ZNF469: variants seen among roughly 807,000 people sequenced by gnomAD.
ZNF469 encodes zinc finger protein 469.
Under a neutral mutation model 1.0 loss-of-function variants are expected in ZNF469, and 1 was observed. That is an observed-to-expected ratio of 1.00 (90% CI 0.35 to 4.73). The LOEUF (loss-of-function observed/expected upper bound fraction) is 4.73. Among genes scored for constraint, ZNF469 ranks in the 30% most tolerant of loss-of-function variants. ZNF469 has a pLI of 0.16. For missense variants in ZNF469, 6,100 were observed against 5,356.3 expected (o/e 1.14, Z -4.33); for synonymous variants, 2,703 against 2,363.4 (o/e 1.14, Z -4.17).
At chr16:88,232,031 G>A in the ZNF469 span, among the ~76,000 whole-genome samples, 1 of 152,152 alleles carries the variant, frequency 6.6e-6, no homozygotes, top group African/African-American at 2.4e-5. Flanking sequence ...TGGACCCTCC[G>A]GGCAGGCTCC....
the ZNF469 span, among the ~76,000 whole-genome samples, chr16:88,172,321 G>C: frequency 2.6e-5 from 4 of 152,206 alleles, no homozygotes; most frequent in Non-Finnish European, 5.9e-5. Context: ...CTCACACAGG[G>C]TGGGGGACGG....
chr16:88,192,619 G>A, the ZNF469 span, among the ~76,000 whole-genome samples: 11 of 152,420 alleles, frequency 7.2e-5, no homozygotes, highest in African/African-American at 2.4e-4. Flanking sequence ...CACACATGAT[G>A]AGGACAGTAT....
At chr16:88,275,933 T>C in the ZNF469 span, among the ~76,000 whole-genome samples, 5 of 151,962 alleles carry the variant, frequency 3.3e-5, no homozygotes, top group African/African-American at 1.2e-4. Context: ...ACCAAGGGGC[T>C]GGAAAACACG....
the ZNF469 span, among the ~76,000 whole-genome samples, chr16:88,270,518 C>T: frequency 6.6e-6 from 1 of 152,204 alleles, no homozygotes; most frequent in Non-Finnish European, 1.5e-5. Flanking sequence ...ATGCAGACTC[C>T]CTGGGCATTT....
the ZNF469 span, among the ~76,000 whole-genome samples, chr16:88,147,623 C>T: frequency 6.6e-6 from 1 of 152,134 alleles, no homozygotes; most frequent in African/African-American, 2.4e-5. Context: ...GAGCAGAGCA[C>T]CTGCTGGGTG....
Position 88,428,989 on chromosome 16 carries a change from C to T in ZNF469, c.1519C>T (p.Pro507Ser), listed in dbSNP as rs1368696632. ...GMEMLSRLPF[P>S]AGGPEWQGGS... ...GGAGATGCTGAGCCGGCTGCCTTTC[C>T]CCGCGGGGGGCCCCGAGTGGCAGGG... is the stretch of plus-strand genomic sequence containing the variant. The change falls in exon 3 of 3, where the codon CCC becomes TCC. Residue 507 changes from proline (P) to serine (S), a missense_variant. By Grantham distance (74) the Pro-to-Ser change is moderately conservative. Coordinates refer to ENST00000565624, the MANE Select transcript of ZNF469 (RefSeq NM_001367624.2). 8 of 1,549,220 alleles carry T rather than the reference C, an allele frequency of 5.2e-6. No individual in the cohort carries two copies. Among genetic ancestry groups the T allele is most frequent in the Non-Finnish European group, 7.0e-6 (8 of 1,146,652 alleles).
the ZNF469 span, among the ~76,000 whole-genome samples, chr16:88,165,548 T>A: frequency 6.6e-6 from 1 of 152,144 alleles, no homozygotes; most frequent in African/African-American, 2.4e-5. Context: ...CTGGTGAGAA[T>A]CTCTGGGGAC....
chr16:88,438,052 G>A lies in ZNF469; in HGVS notation c.10582G>A (p.Glu3528Lys), dbSNP rs758708056. ...CACCAAGGGATGGCCCGAGACCCTA[G>A]AGAGGCCTGTAGACCCCGTGACCCA... ...STTKGWPETL[E>K]RPVDPVTHPI... Residue 3528 changes from glutamate (E) to lysine (K), a missense_variant, in exon 3 of 3, where the codon GAG becomes AAG. By Grantham distance (56) the Glu-to-Lys change is moderately conservative. Transcript: ENST00000565624. 4.5e-6 allele frequency: 7 copies of A among 1,550,334 alleles called. No homozygotes were observed. The highest frequency in any genetic ancestry group is 1.4e-5 in the African/African-American group (1 of 73,162).
chr16:88,332,193 A>G, the ZNF469 span, among the ~76,000 whole-genome samples: 2 of 152,226 alleles, frequency 1.3e-5, no homozygotes, highest in African/African-American at 2.4e-5. Flanking sequence ...ACAAAGTTGC[A>G]TTTTTTGACA....
the ZNF469 span, among the ~76,000 whole-genome samples, chr16:88,320,488 ATTC>A: frequency 3.3e-5 from 5 of 152,138 alleles, no homozygotes; most frequent in African/African-American, 1.2e-4. Flanking sequence ...GGTTCAAGCA[ATTC>A]TTCTGCCTCA....
chr16:88,120,667 C>T, the ZNF469 span, among the ~76,000 whole-genome samples: 7,666 of 152,284 alleles, frequency 0.05, 609 homozygotes, highest in African/African-American at 0.17. Context: ...CCGCGGCTCC[C>T]GGGCGGGCCT....
rs1464513428 is a variant in ZNF469, at chr16:88,436,847, G to T, written c.9377G>T (p.Ser3126Ile). 4 of 1,531,896 alleles carry T rather than the reference G, an allele frequency of 2.6e-6. No individual in the cohort carries two copies. The highest frequency in any genetic ancestry group is 1.2e-5 in the South Asian group (1 of 83,404). 94.9% of individuals were successfully genotyped at this position (1,531,896 alleles called of 1,614,324 possible). The change falls in exon 3 of 3, where the codon AGC (serine) becomes ATC (isoleucine). Residue 3126 changes from serine (S) to isoleucine (I), a missense_variant. Transcript: ENST00000565624. ...AAAGTGTGCTTCCAGCGCTTCCGCA[G>T]CCTGGGCGAGCTGGACCTGCACAAG... ...KCKVCFQRFR[S>I]LGELDLHKLA... is the part of the protein sequence containing the mutation.
chr16:88,173,038 C>T, the ZNF469 span, among the ~76,000 whole-genome samples: 60 of 152,182 alleles, frequency 3.9e-4, no homozygotes, highest in Admixed American at 1.7e-3. Flanking sequence ...GAGGCAGGGA[C>T]GGAAAAATGT....
At chr16:88,260,629 G>A in the ZNF469 span, among the ~76,000 whole-genome samples, 3 of 152,162 alleles carry the variant, frequency 2.0e-5, no homozygotes, top group Non-Finnish European at 2.9e-5. This position sits in a 1 kb window ranked among gnomAD's most constrained non-coding sequence, Gnocchi z 4.1. Context: ...AATCATGCTC[G>A]CGGCTCCGTG....
the ZNF469 span, among the ~76,000 whole-genome samples, chr16:88,208,459 G>A: frequency 1.5e-5 from 2 of 130,584 alleles, no homozygotes; most frequent in Non-Finnish European, 3.2e-5. Context: ...GTGAAGGAGT[G>A]TAAGGGGAGG....
At chr16:88,108,499 C>G in the ZNF469 span, among the ~76,000 whole-genome samples, 1 of 152,220 alleles carries the variant, frequency 6.6e-6, no homozygotes, top group Non-Finnish European at 1.5e-5. Flanking sequence ...ATCAGGCTGT[C>G]AAGTTGCACA....
the ZNF469 span, among the ~76,000 whole-genome samples, chr16:88,256,490 C>T: frequency 5.8e-4 from 89 of 152,256 alleles, 3 homozygotes; most frequent in East Asian, 0.016. Flanking sequence ...ATTTTGGCCA[C>T]AGTGAATAAA....
chr16:88,198,085 T>C, the ZNF469 span, among the ~76,000 whole-genome samples: 19 of 152,322 alleles, frequency 1.2e-4, no homozygotes, highest in East Asian at 3.1e-3. Context: ...GAAATCTCAT[T>C]TGCTCATTCA....
At chr16:88,223,721 G>A in the ZNF469 span, among the ~76,000 whole-genome samples, 1 of 152,252 alleles carries the variant, frequency 6.6e-6, no homozygotes. Context: ...CTGGGACCGT[G>A]TGAAAGCAGC....
Sources: gnomAD v4.1 joint callset for allele counts (sites outside exome capture counted in the v4.1 genomes callset) on GRCh38, gnomAD v4.1.1 for gene constraint, Gnocchi (gnomAD v3.1) non-coding constraint, MANE v1.5 for transcripts, NCBI Gene and HGNC (gene_info 2026-07-23, HGNC 2026-07-21) for gene names.